Variants in FTO observed in about 807,000 individuals in gnomAD.
The protein encoded by FTO is alpha-ketoglutarate-dependent dioxygenase FTO.
FTO carries 47 observed loss-of-function variants against 63.9 expected under a neutral mutation model. The observed-to-expected ratio is 0.74, with a 90% CI of 0.58 to 0.94. FTO has a LOEUF of 0.94. FTO is among the 40% of genes least tolerant of loss of function. The pLI, the probability that FTO is intolerant of heterozygous loss-of-function variation, is 0.00. For synonymous variants in FTO, 207 were observed against 224.4 expected (o/e 0.92, Z 0.69); for missense variants, 562 against 618.1 (o/e 0.91, Z 0.96).
intron 8 of FTO, among the ~76,000 whole-genome samples, chr16:54,009,401 A>T (rs1046908465): frequency 6.6e-6 from 1 of 152,216 alleles, no homozygotes; most frequent in Non-Finnish European, 1.5e-5. Context: ...TAAAATGTGT[A>T]AAACTATACC....
Position 53,711,271 on chromosome 16 carries a change from C to T in FTO, c.45+7042C>T, listed in dbSNP as rs576681334. 8.9e-5 allele frequency: 35 copies of T among 392,568 alleles called. No homozygotes were observed. In the East Asian group the frequency reaches 1.1e-3, roughly 13 times the overall value. 24.3% of individuals were successfully genotyped at this position (392,568 alleles called of 1,614,324 possible). A position where few individuals can be genotyped will look rare whatever the true frequency, so the allele number is the denominator to read the frequency against. Reference sequence around the variant, plus strand: ...AATGGGGTTCCATTAACTTATTTCCCATGCAGCCAGAATGGTACTAGTTTT... The same window carrying T: ...AATGGGGTTCCATTAACTTATTTCCTATGCAGCCAGAATGGTACTAGTTTT... On this transcript the variant is annotated intron_variant, in intron 1 of 8. Transcript: ENST00000471389.
chr16:54,083,681 G>A (rs1372570530), intron 8 of FTO, among the ~76,000 whole-genome samples: 1 of 152,048 alleles, frequency 6.6e-6, no homozygotes, highest in Non-Finnish European at 1.5e-5. Flanking sequence ...CCTCCCTACC[G>A]CCATTATGGA....
chr16:53,841,586 C>T (rs962204918), intron 3 of FTO, among the ~76,000 whole-genome samples: 1 of 152,184 alleles, frequency 6.6e-6, no homozygotes, highest in Non-Finnish European at 1.5e-5. Flanking sequence ...TCATTTTCAC[C>T]ATGCCTAGTG....
rs987522037 is a variant in FTO at position 53,934,227 on chromosome 16, A to G, written c.1364+118A>G. On this transcript the variant is annotated intron_variant, in intron 8 of 8. Coordinates refer to ENST00000471389, the MANE Select transcript of FTO (RefSeq NM_001080432.3). The stretch of plus-strand genomic sequence containing the variant: ...CTTTGAGGGCCCATGAAAAATAAGC[A>G]CGTTTAAGATGCTTTCAGCTAAAGT... 3.7e-6 allele frequency: 4 copies of G among 1,087,150 alleles called. No individual in the cohort carries two copies. In the African/African-American group the frequency reaches 6.2e-5, roughly 17 times the overall value. The allele number at this position is 1,087,150 out of a possible 1,614,324, so 67.3% of individuals were successfully genotyped here.
intron 4 of FTO, among the ~76,000 whole-genome samples, chr16:53,872,893 G>A (rs1169193708): frequency 6.6e-6 from 1 of 152,140 alleles, no homozygotes; most frequent in Non-Finnish European, 1.5e-5. Context: ...CCTGAGCAGA[G>A]GTTGTATAGA....
chr16:53,994,957 C>T lies in FTO; in HGVS notation c.1364+60848C>T, dbSNP rs13335654. Among the ~76,000 whole-genome samples, 1,097 of 152,260 alleles carry T rather than the reference C, an allele frequency of 7.2e-3. 10 individuals are homozygous for T. Among genetic ancestry groups the T allele is most frequent in the African/African-American group, 0.025 (1,042 of 41,548 alleles). ...CCATGTTGGCCAGGCTGGTCTCAAACTCCTGACCTCAAGTGATCCGCCCGT... is the reference window on the plus strand; with the variant it reads ...CCATGTTGGCCAGGCTGGTCTCAAATTCCTGACCTCAAGTGATCCGCCCGT... On this transcript the variant is annotated intron_variant, in intron 8 of 8. Transcript: ENST00000471389.
chr16:53,919,296 C>T lies in FTO; in HGVS notation c.1240-14689C>T, dbSNP rs569262793. On this transcript the variant is annotated intron_variant, in intron 7 of 8. Coordinates refer to ENST00000471389, the MANE Select transcript of FTO (RefSeq NM_001080432.3). ...ATGTTGGCTGCTGTATCATTATCAT[C>T]ATTATCATGAGTCAGAAAGTGTCGA... Among the ~76,000 whole-genome samples, 18 of 152,234 alleles carry T rather than the reference C, an allele frequency of 1.2e-4. No individual in the cohort carries two copies. The South Asian group carries it at 3.7e-3, about 32-fold the overall frequency.
chr16:53,935,580 G>A (rs190170893), intron 8 of FTO: 1 of 152,100 alleles, frequency 6.6e-6, no homozygotes, highest in Non-Finnish European at 1.5e-5. Flanking sequence ...AGAAAAAAAT[G>A]TTTATAAAAA....
At chr16:53,804,922 A>G (rs2078323346) in intron 1 of FTO, among the ~76,000 whole-genome samples, 1 of 151,810 alleles carries the variant, frequency 6.6e-6, no homozygotes, top group Non-Finnish European at 1.5e-5. Flanking sequence ...GCTCTTAATG[A>G]TCTTTCTAGT....
At chr16:53,718,492 GT>G (rs2075949623) in intron 1 of FTO, among the ~76,000 whole-genome samples, 1 of 151,812 alleles carries the variant, frequency 6.6e-6, no homozygotes, top group African/African-American at 2.4e-5. Flanking sequence ...TCCTCTTTCA[GT>G]AATTATACTC....
chr16:53,970,372 C>T lies in FTO; in HGVS notation c.1364+36263C>T, dbSNP rs376523363. On this transcript the variant is annotated intron_variant, in intron 8 of 8. Transcript: ENST00000471389. The stretch of plus-strand genomic sequence containing the variant: ...TGGGAGGCCAAGGCGGGTGGATCCC[C>T]TGAGGTCAGGAGTTCGAGACCAGCT... Among the ~76,000 whole-genome samples the T allele has an allele frequency of 4.0e-4, 61 of 152,066 alleles. No homozygotes were observed. In the East Asian group the frequency reaches 6.4e-3, roughly 16 times the overall value.
At chr16:53,909,815 T>G (rs1256487165) in intron 7 of FTO, among the ~76,000 whole-genome samples, 3 of 152,030 alleles carry the variant, frequency 2.0e-5, no homozygotes, top group African/African-American at 2.4e-5. Context: ...CCGCCCGCAT[T>G]GGCTTTCCAG....
At chr16:53,769,126 A>G (rs16952520) in intron 1 of FTO, among the ~76,000 whole-genome samples, 18,090 of 152,162 alleles carry the variant, frequency 0.12, 2,049 homozygotes, top group East Asian at 0.44. Flanking sequence ...GAGTTAGCTG[A>G]AGTTCTCTTT....
At chr16:54,108,140 A>T (rs2086797843) in intron 8 of FTO, among the ~76,000 whole-genome samples, 1 of 152,200 alleles carries the variant, frequency 6.6e-6, no homozygotes, top group Admixed American at 6.5e-5. Flanking sequence ...ATACAGGACA[A>T]CAAATTTCCA....
chr16:53,927,920 A>G (rs2082186200), intron 7 of FTO, among the ~76,000 whole-genome samples: 1 of 152,240 alleles, frequency 6.6e-6, no homozygotes, highest in Non-Finnish European at 1.5e-5. Flanking sequence ...TTCCACTTAA[A>G]GTAATAGACA....
intron 8 of FTO, chr16:53,991,260 G>A (rs8056199): frequency 0.46 from 70,569 of 151,968 alleles, 16,683 homozygotes; most frequent in Admixed American, 0.49. Flanking sequence ...GACACAGATC[G>A]TGGTGCTTGG....
chr16:53,883,253 T>C (rs1439336121), intron 6 of FTO, among the ~76,000 whole-genome samples: 1 of 152,224 alleles, frequency 6.6e-6, no homozygotes, highest in African/African-American at 2.4e-5. Flanking sequence ...CTGACTGTGA[T>C]GTTTTTTACC....
At chr16:53,881,476 G>A (rs2080834628) in intron 6 of FTO, among the ~76,000 whole-genome samples, 1 of 152,156 alleles carries the variant, frequency 6.6e-6, no homozygotes, top group South Asian at 2.1e-4. Context: ...TGTAACACAG[G>A]ACAGTCATTG....
chr16:53,815,098 AG>A (rs2078637125), intron 2 of FTO, among the ~76,000 whole-genome samples: 1 of 151,994 alleles, frequency 6.6e-6, no homozygotes, highest in Non-Finnish European at 1.5e-5. Flanking sequence ...AGAGAGAGAG[AG>A]AGAGAGAGAG....
Sources: allele counts gnomAD v4.1 joint callset (sites outside exome capture counted in the v4.1 genomes callset), GRCh38; gene constraint gnomAD v4.1.1; transcripts MANE v1.5; gene names NCBI Gene and HGNC (gene_info 2026-07-23, HGNC 2026-07-21).